The following COL4A4 variants were observed in gnomAD, a reference collection of about 807,000 sequenced individuals.
COL4A4 encodes collagen type IV alpha 4 chain.
Under a neutral mutation model 192.9 loss-of-function variants are expected in COL4A4, and 105 were observed. That is an observed-to-expected ratio of 0.54 (90% CI 0.46 to 0.64). The LOEUF (loss-of-function observed/expected upper bound fraction) is 0.64, where lower values mean the gene tolerates loss of function less well. Among genes scored for constraint, COL4A4 ranks in the 30% least tolerant of loss-of-function variants. The pLI is 0.00. For missense variants in COL4A4, 1,967 were observed against 2,169.3 expected (o/e 0.91, Z 1.85); for synonymous variants, 762 against 769.9 (o/e 0.99, Z 0.17).
intron 12 of COL4A4, among the ~76,000 whole-genome samples, chr2:227,106,348 G>T (rs1229011067): frequency 6.6e-6 from 1 of 151,898 alleles, no homozygotes; most frequent in Non-Finnish European, 1.5e-5. Flanking sequence ...TCAAAATATT[G>T]GTCATACTGC....
At chr2:227,148,528 G>T (rs1480921925) in intron 1 of COL4A4, among the ~76,000 whole-genome samples, 1 of 152,154 alleles carries the variant, frequency 6.6e-6, no homozygotes, top group African/African-American at 2.4e-5. Flanking sequence ...TGATGTAATT[G>T]CAGTGGTTAT....
intron 22 of COL4A4, among the ~76,000 whole-genome samples, chr2:227,088,145 T>G (rs891918614): frequency 6.6e-6 from 1 of 152,244 alleles, no homozygotes; most frequent in Non-Finnish European, 1.5e-5. Context: ...TAAACTGTTT[T>G]TGCAGGCATT....
At chr2:227,011,635 A>G (rs144138375) in intron 45 of COL4A4, among the ~76,000 whole-genome samples, 7 of 152,144 alleles carry the variant, frequency 4.6e-5, no homozygotes, top group African/African-American at 1.7e-4. Context: ...ATTGTTTCAC[A>G]CTTCTATTCT....
chr2:226,988,204 C>A, the COL4A4 span: 1 of 809,330 alleles, frequency 1.2e-6, no homozygotes, highest in Non-Finnish European at 1.9e-6. Context: ...TAAAACTTAC[C>A]CAAAGACAGT....
chr2:227,075,268 G>A (rs953006231), intron 25 of COL4A4, among the ~76,000 whole-genome samples: 7 of 151,994 alleles, frequency 4.6e-5, no homozygotes, highest in African/African-American at 7.2e-5. Flanking sequence ...ACTGGCAAAC[G>A]GAATCCAGCA....
downstream of COL4A4, among the ~76,000 whole-genome samples, chr2:227,001,386 TG>T (rs1960921574): frequency 9.0e-6 from 1 of 110,892 alleles, no homozygotes; most frequent in African/African-American, 4.5e-5. Flanking sequence ...TAAAGGCCTG[TG>T]GGATTCCCCC....
Position 227,027,757 on chromosome 2 carries a change from G to A in COL4A4, c.4081+145C>T, listed in dbSNP as rs538124690. On this transcript the variant is annotated intron_variant, in intron 42 of 47. Transcript: ENST00000396625. Reference sequence around the variant, plus strand: ...TACCAAACATGAGACTTTGTAGTGCGGCCTGAAAGAAATATACTCTTAATA... The same window carrying A: ...TACCAAACATGAGACTTTGTAGTGCAGCCTGAAAGAAATATACTCTTAATA... 94 of 653,970 alleles carry A rather than the reference G, an allele frequency of 1.4e-4. 1 individual carries two copies. The highest frequency in any genetic ancestry group is 9.9e-4 in the South Asian group (49 of 49,262). 40.5% of individuals were successfully genotyped at this position (653,970 alleles called of 1,614,324 possible).
chr2:226,977,567 G>T, the COL4A4 span, among the ~76,000 whole-genome samples: 3 of 152,168 alleles, frequency 2.0e-5, 1 homozygote, highest in East Asian at 5.8e-4. Flanking sequence ...ATGGTGAACC[G>T]TGAAACACCA....
At chr2:227,031,718 C>A (rs948156342) in intron 40 of COL4A4, among the ~76,000 whole-genome samples, 1 of 152,126 alleles carries the variant, frequency 6.6e-6, no homozygotes, top group Non-Finnish European at 1.5e-5. Context: ...GAGGGTCTAA[C>A]AGAGCTGAAA....
chr2:227,051,141 C>A lies in COL4A4; in HGVS notation c.2986G>T (p.Gly996Trp), dbSNP rs370474706. The A allele has an allele frequency of 1.2e-6, 2 of 1,614,122 alleles. No individual in the cohort carries two copies. Among genetic ancestry groups the A allele is most frequent in the Admixed American group, 1.7e-5 (1 of 60,024 alleles). Residue 996 changes from glycine to tryptophan, a missense_variant, in exon 33 of 48, where the codon GGG becomes TGG. Gly to Trp is a radical substitution (Grantham distance 184). Transcript: ENST00000396625. ...PGERGDKGTPGMQGRRGEPGR... is the reference protein window; with the variant it reads ...PGERGDKGTPWMQGRRGEPGR... ...GGCTCTCCTCTTCTCCCTTGCATCCCGGGAGTTCCTTTATCACCTGATGAA... is the reference window on the plus strand; with the variant it reads ...GGCTCTCCTCTTCTCCCTTGCATCCAGGGAGTTCCTTTATCACCTGATGAA...
intron 30 of COL4A4, among the ~76,000 whole-genome samples, chr2:227,055,171 A>G (rs1576167722): frequency 6.6e-6 from 1 of 152,292 alleles, no homozygotes; most frequent in Non-Finnish European, 1.5e-5. Flanking sequence ...ACTCCTGCCT[A>G]ACGCTGAGTT....
At chr2:227,029,015 T>G (rs1967680674) in intron 41 of COL4A4, among the ~76,000 whole-genome samples, 1 of 152,194 alleles carries the variant, frequency 6.6e-6, no homozygotes, top group South Asian at 2.1e-4. Flanking sequence ...ACTGCTATAT[T>G]CCTGCAGGTG....
chr2:227,131,076 C>T lies in COL4A4; in HGVS notation c.192+9085G>A, dbSNP rs1007834378. Among the ~76,000 whole-genome samples the T allele has an allele frequency of 5.9e-5, 9 of 152,134 alleles. No individual in the cohort carries two copies. The South Asian group carries it at 1.9e-3, about 32-fold the overall frequency. On this transcript the variant is annotated intron_variant, in intron 4 of 47. Coordinates refer to ENST00000396625, the MANE Select transcript of COL4A4 (RefSeq NM_000092.5). The stretch of plus-strand genomic sequence containing the variant: ...ACCAGATCATCTTATAACATAAATC[C>T]AATCTGCTTCTTCCCTTCTTAAAAT...
intron 44 of COL4A4, among the ~76,000 whole-genome samples, chr2:227,021,831 A>T (rs895803350): frequency 6.6e-6 from 1 of 150,914 alleles, no homozygotes; most frequent in African/African-American, 2.5e-5. Flanking sequence ...TCTCAAAAAT[A>T]AAATAAAATA....
chr2:227,114,275 T>TAG (rs1400009941), intron 8 of COL4A4, among the ~76,000 whole-genome samples: 2 of 152,156 alleles, frequency 1.3e-5, no homozygotes, highest in Non-Finnish European at 2.9e-5. Flanking sequence ...GTCTAATGAG[T>TAG]AGAGGCCAGA....
At chr2:227,032,362 C>T (rs768004598) in intron 38 of COL4A4, 86 bp from the exon 39 acceptor site, 22 of 1,477,946 alleles carry the variant, frequency 1.5e-5, no homozygotes, top group East Asian at 2.5e-5. Context: ...TTCCCAATAG[C>T]GGCAGAGGAG....
chr2:227,007,320 A>G lies in COL4A4; in HGVS notation c.*5T>C, dbSNP rs745686088. 9 of 1,614,078 alleles carry G rather than the reference A, an allele frequency of 5.6e-6. No individual in the cohort carries two copies. The highest frequency in any genetic ancestry group is 4.4e-5 in the South Asian group (4 of 91,090). ...TTGGCCACGTGTTGGTGAATTTCGC[A>G]TTCTCTAGCTATACTTCACGCAGAC... is the stretch of plus-strand genomic sequence containing the variant. On this transcript the variant is annotated 3_prime_UTR_variant, in exon 48 of 48. Coordinates refer to ENST00000396625, the MANE Select transcript of COL4A4 (RefSeq NM_000092.5).
Position 227,052,401 on chromosome 2 carries a change from G to T in COL4A4, c.2872C>A (p.Pro958Thr). The T allele has an allele frequency of 6.3e-7, 1 of 1,599,232 alleles. No homozygotes were observed. The highest frequency in any genetic ancestry group is 8.6e-7 in the Non-Finnish European group (1 of 1,166,568). The change falls in exon 32 of 48, where the codon CCT (proline) becomes ACT (threonine). Residue 958 changes from proline to threonine, a missense_variant. Transcript: ENST00000396625. ...GLRGAKGAIGPPGDEGEMAII... is the reference protein window; with the variant it reads ...GLRGAKGAIGTPGDEGEMAII... ...GCCATTTCTCCTTCATCTCCGGGAG[G>T]TCCTATGGCTCCTATGGATATTAAT...
chr2:226,990,325 G>A, the COL4A4 span, among the ~76,000 whole-genome samples: 2 of 152,150 alleles, frequency 1.3e-5, no homozygotes, highest in African/African-American at 4.8e-5. Context: ...AACATGGGTC[G>A]CATGCTGCTG....
Sources: gnomAD v4.1 joint callset for allele counts (sites outside exome capture counted in the v4.1 genomes callset) on GRCh38, gnomAD v4.1.1 for gene constraint, MANE v1.5 for transcripts, NCBI Gene and HGNC (gene_info 2026-07-23, HGNC 2026-07-21) for gene names.